Variants in OR4E2 observed in about 807,000 individuals in gnomAD.
OR4E2 encodes olfactory receptor family 4 subfamily E member 2.
Under a neutral mutation model 11.0 loss-of-function variants are expected in OR4E2, and 9 were observed. The observed-to-expected ratio is 0.82, with a 90% CI of 0.49 to 1.43. OR4E2 has a LOEUF of 1.43. OR4E2 is among the 40% of genes most tolerant of loss of function. The pLI, the probability that OR4E2 is intolerant of heterozygous loss-of-function variation, is 0.00. For synonymous variants in OR4E2, 159 were observed against 147.3 expected (o/e 1.08, Z -0.57); for missense variants, 441 against 382.0 (o/e 1.15, Z -1.29).
At chr14:21,659,719 A>C (rs915302642) in intron 2 of OR4E2, among the ~76,000 whole-genome samples, 1 of 152,238 alleles carries the variant, frequency 6.6e-6, no homozygotes, top group African/African-American at 2.4e-5. Context: ...TCGTTCAAAA[A>C]TATGTATTGA....
chr14:21,663,714 G>A (rs1880466559), intron 3 of OR4E2, among the ~76,000 whole-genome samples: 1 of 152,298 alleles, frequency 6.6e-6, no homozygotes. Flanking sequence ...AGGATGTGCA[G>A]TTTTGTTACA....
intron 3 of OR4E2, among the ~76,000 whole-genome samples, chr14:21,664,747 T>A (rs1880533471): frequency 6.6e-6 from 1 of 152,224 alleles, no homozygotes; most frequent in African/African-American, 2.4e-5. Context: ...CTTAATGTTA[T>A]CAGTGCTTTA....
Position 21,657,646 on chromosome 14 carries a change from G to A in OR4E2, c.-103+1057G>A, listed in dbSNP as rs144020934. On this transcript the variant is annotated intron_variant, in intron 2 of 3. Coordinates refer to ENST00000641524, the MANE Select transcript of OR4E2 (RefSeq NM_001001912.3). ...GCTCTTGTTGCCCAGGCTGGAGCTC[G>A]GTGGCACGATCCCAGCTCACTGCAA... 3.1e-3 allele frequency among the ~76,000 whole-genome samples: 453 copies of A among 147,718 alleles called. 10 individuals carry two copies. The highest frequency in any genetic ancestry group is 6.0e-4 in the Non-Finnish European group (40 of 67,128).
intron 1 of OR4E2, among the ~76,000 whole-genome samples, chr14:21,655,208 G>A (rs978935513): frequency 2.6e-5 from 4 of 152,198 alleles, no homozygotes; most frequent in African/African-American, 9.6e-5. Context: ...TATACGCAGA[G>A]TAATATATGA....
intron 1 of OR4E2, among the ~76,000 whole-genome samples, chr14:21,654,200 G>A (rs1879799671): frequency 6.6e-6 from 1 of 152,070 alleles, no homozygotes; most frequent in Admixed American, 6.6e-5. Flanking sequence ...GAGGAGAAAG[G>A]AGATAATAGG....
intron 2 of OR4E2, among the ~76,000 whole-genome samples, chr14:21,659,523 G>A (rs895608887): frequency 3.3e-5 from 5 of 150,454 alleles, no homozygotes; most frequent in Non-Finnish European, 6.0e-5. Flanking sequence ...GGTTAAGAAC[G>A]TAGGCTCTGA....
chr14:21,666,145 T>G lies in OR4E2; in HGVS notation c.*121T>G. On this transcript the variant is annotated 3_prime_UTR_variant, in exon 4 of 4. Transcript: ENST00000641524. ...GTAAAATGGCATAGAGCAGGTCAGA[T>G]TTCTGCTCATTAAAGATAAGAACTT... 1.5e-6 allele frequency: 1 copy of G among 649,706 alleles called. No homozygotes were observed. The highest frequency in any genetic ancestry group is 2.8e-5 in the East Asian group (1 of 36,122). The allele number at this position is 649,706 out of a possible 1,614,324, so 40.2% of individuals were successfully genotyped here. A position where few individuals can be genotyped will look rare whatever the true frequency, so the allele number is the denominator to read the frequency against.
In OR4E2 at chr14:21,653,838, T is replaced by A. The variant is rs1879779973; in HGVS notation, c.-292T>A. The A allele has an allele frequency of 1.3e-5, 2 of 152,170 alleles. No individual in the cohort carries two copies. Among genetic ancestry groups the A allele is most frequent in the Admixed American group, 1.3e-4 (2 of 15,278 alleles). The allele number at this position is 152,170 out of a possible 1,614,324, so 9.4% of individuals were successfully genotyped here. A position where few individuals can be genotyped will look rare whatever the true frequency, so the allele number is the denominator to read the frequency against. On this transcript the variant is annotated 5_prime_UTR_variant, in exon 1 of 4. Transcript: ENST00000641524. ...ATTCCAAAGCTTTCAAGCCTAAAAT[T>A]TACCCTGTGCAGAATTTTGAGTTTC...
At chr14:21,654,463 G>GCACA (rs371391116) in intron 1 of OR4E2, among the ~76,000 whole-genome samples, 1 of 145,694 alleles carries the variant, frequency 6.9e-6, no homozygotes, top group South Asian at 2.2e-4. Flanking sequence ...ACACACAGAT[G>GCACA]CACACACACA....
intron 1 of OR4E2, among the ~76,000 whole-genome samples, chr14:21,655,463 G>A (rs941944266): frequency 2.0e-5 from 3 of 152,066 alleles, no homozygotes; most frequent in African/African-American, 7.2e-5. Flanking sequence ...CCAAGAACTC[G>A]AGACCAACCT....
At chr14:21,659,224 G>T (rs1880180899) in intron 2 of OR4E2, among the ~76,000 whole-genome samples, 1 of 151,858 alleles carries the variant, frequency 6.6e-6, no homozygotes, top group Non-Finnish European at 1.5e-5. Flanking sequence ...TTGTAGAGAT[G>T]CAGTGTCACT....
rs1455413178 is a variant in OR4E2, at chr14:21,658,440, T to C, written c.-103+1851T>C. The stretch of plus-strand genomic sequence containing the variant: ...CTAACACGATAATGGTCTACTGTGA[T>C]GGAAAATCATGTTCCTCTTGGCAAA... On this transcript the variant is annotated intron_variant, in intron 2 of 3. Coordinates refer to ENST00000641524, the MANE Select transcript of OR4E2 (RefSeq NM_001001912.3). Among the ~76,000 whole-genome samples, 3 of 152,342 alleles carry C rather than the reference T, an allele frequency of 2.0e-5. No individual in the cohort carries two copies. The East Asian group carries it at 5.8e-4, about 29-fold the overall frequency.
At chr14:21,656,350 A>ACT (rs148999082) in intron 1 of OR4E2, among the ~76,000 whole-genome samples, 152 bp from the exon 2 acceptor site, 2 of 150,596 alleles carry the variant, frequency 1.3e-5, no homozygotes, top group Admixed American at 6.6e-5. Context: ...ACAGAGTGAG[A>ACT]CTCTCTCTCT....
Position 21,665,650 on chromosome 14 carries a change from A to T in OR4E2, c.568A>T (p.Thr190Ser). ...DVPLVIKLAC[T>S]DTYLTGILIV... ...GCCTCTTGTTATCAAGCTGGCCTGC[A>T]CAGATACATACCTCACAGGAATACT... is the stretch of plus-strand genomic sequence containing the variant. The change falls in exon 4 of 4, where the codon ACA (threonine) becomes TCA (serine). Residue 190 changes from threonine (T) to serine (S), a missense_variant. Transcript: ENST00000641524. 6.2e-7 allele frequency: 1 copy of T among 1,614,178 alleles called. No homozygotes were observed. The highest frequency in any genetic ancestry group is 1.7e-5 in the Admixed American group (1 of 60,024).
intron 1 of OR4E2, among the ~76,000 whole-genome samples, chr14:21,656,143 A>C (rs189816523): frequency 7.9e-5 from 12 of 151,212 alleles, no homozygotes; most frequent in Non-Finnish European, 1.6e-4. Context: ...AACCAAAAAC[A>C]AAAAACAAGA....
At chr14:21,660,057 G>T (rs900291268) in intron 2 of OR4E2, among the ~76,000 whole-genome samples, 2 of 151,990 alleles carry the variant, frequency 1.3e-5, no homozygotes, top group South Asian at 2.1e-4. Context: ...TATGCCAGTG[G>T]TCCCCAACCT....
chr14:21,657,818 G>A (rs1256267498), intron 2 of OR4E2, among the ~76,000 whole-genome samples: 5 of 151,950 alleles, frequency 3.3e-5, no homozygotes, highest in Non-Finnish European at 4.4e-5. Context: ...TCAAACTCCC[G>A]ACCTCAGGTG....
chr14:21,657,504 CTTCTTTCTTTGTTT>C (rs1250626268), intron 2 of OR4E2, among the ~76,000 whole-genome samples: 1 of 67,928 alleles, frequency 1.5e-5, no homozygotes, highest in African/African-American at 5.7e-5. Context: ...TCCTTCCTTC[CTTCTTTCTTTGTTT>C]TTCTTTCTTT....
In OR4E2 at chr14:21,667,122, A is replaced by G. The variant is rs13329051; in HGVS notation, c.*1098A>G. On this transcript the variant is annotated 3_prime_UTR_variant, in exon 4 of 4. Transcript: ENST00000641524. ...AGATCCTATAGATGGTCAGAGAGCT[A>G]CCATACAATATCAACTTTAATGGAG... 3.4e-4 allele frequency: 52 copies of G among 152,296 alleles called. No individual in the cohort carries two copies. Among genetic ancestry groups the G allele is most frequent in the African/African-American group, 1.2e-3 (48 of 41,566 alleles). The allele number at this position is 152,296 out of a possible 1,614,324, so 9.4% of individuals were successfully genotyped here.
Sources: gnomAD v4.1 joint callset for allele counts (sites outside exome capture counted in the v4.1 genomes callset) on GRCh38, gnomAD v4.1.1 for gene constraint, MANE v1.5 for transcripts, NCBI Gene and HGNC (gene_info 2026-07-23, HGNC 2026-07-21) for gene names.